The following CYSTM1 variants were observed in gnomAD, a reference collection of about 807,000 sequenced individuals.
CYSTM1 encodes cysteine rich transmembrane module containing 1.
CYSTM1 carries 4 observed loss-of-function variants against 13.1 expected under a neutral mutation model. The ratio of observed to expected loss-of-function variants is 0.31; its 90% CI spans 0.15 to 0.70. The LOEUF is 0.70. Ranked by LOEUF, CYSTM1 falls within the 30% of genes least tolerant of loss-of-function variation. The pLI is 0.72. For missense variants in CYSTM1, 96 were observed against 121.6 expected (o/e 0.79, Z 0.99); for synonymous variants, 36 against 42.7 (o/e 0.84, Z 0.62).
intron 2 of CYSTM1, among the ~76,000 whole-genome samples, chr5:140,210,759 G>A (rs759963921): frequency 6.6e-6 from 1 of 152,082 alleles, no homozygotes; most frequent in Non-Finnish European, 1.5e-5. Context: ...CCATCTGCCC[G>A]CCTCGGCCTC....
At chr5:140,226,499 TATATAA>T (rs1387367839) in intron 2 of CYSTM1, among the ~76,000 whole-genome samples, 34 of 109,122 alleles carry the variant, frequency 3.1e-4, no homozygotes, top group Non-Finnish European at 5.2e-4. Flanking sequence ...ATATATAATA[TATATAA>T]ATATATATTA....
At chr5:140,229,939 C>T (rs545478945) in intron 2 of CYSTM1, among the ~76,000 whole-genome samples, 3 of 151,958 alleles carry the variant, frequency 2.0e-5, no homozygotes, top group Middle Eastern at 3.4e-3. Flanking sequence ...GTCACGATCT[C>T]GGCTCACTGC....
intron 2 of CYSTM1, among the ~76,000 whole-genome samples, chr5:140,211,407 A>G: frequency 6.6e-6 from 1 of 152,232 alleles, no homozygotes; most frequent in Non-Finnish European, 1.5e-5. Flanking sequence ...CTTGGCTGAG[A>G]GCATTGTAAA....
intron 2 of CYSTM1, among the ~76,000 whole-genome samples, chr5:140,217,265 AATGTATATC>A (rs762704286): frequency 1.3e-5 from 2 of 152,016 alleles, no homozygotes; most frequent in Non-Finnish European, 2.9e-5. Flanking sequence ...TTTTGGAGAG[AATGTATATC>A]ATGGGTAATT....
At chr5:140,199,277 G>A (rs940980983) in intron 2 of CYSTM1, among the ~76,000 whole-genome samples, 1 of 152,188 alleles carries the variant, frequency 6.6e-6, no homozygotes, top group Admixed American at 6.5e-5. Context: ...ACCTGTGCAT[G>A]TGTCTTTATA....
intron 1 of CYSTM1, among the ~76,000 whole-genome samples, chr5:140,188,639 C>T (rs893115063): frequency 6.6e-5 from 10 of 152,020 alleles, no homozygotes; most frequent in African/African-American, 2.2e-4. Context: ...ATTAGCTGGG[C>T]GCAGTGGCGG....
chr5:140,243,602 C>A lies in CYSTM1; in HGVS notation c.*191C>A. 2.0e-6 allele frequency: 1 copy of A among 488,640 alleles called. No individual in the cohort carries two copies. Among genetic ancestry groups the A allele is most frequent in the Non-Finnish European group, 3.6e-6 (1 of 277,434 alleles). The allele number at this position is 488,640 out of a possible 1,614,324, so 30.3% of individuals were successfully genotyped here. On this transcript the variant is annotated 3_prime_UTR_variant, in exon 3 of 3. Transcript: ENST00000261811. ...TTCAGTGACTTGATCTTTTTAATGTCCAAAATCCATTTCTTATTGATCTTT... is the reference window on the plus strand; with the variant it reads ...TTCAGTGACTTGATCTTTTTAATGTACAAAATCCATTTCTTATTGATCTTT...
At position 140,191,080 on chromosome 5, in the gene CYSTM1, A is replaced by G. The variant is rs118155813; in HGVS notation, c.-20-3366A>G. On this transcript the variant is annotated intron_variant, in intron 1 of 2. Transcript: ENST00000261811. ...TTTCTTCTTTACCAGCTTGGGAACA[A>G]TGGATTCCCACTGGATGAAGTCCTG... 5.8e-4 allele frequency among the ~76,000 whole-genome samples: 89 copies of G among 152,318 alleles called. No homozygotes were observed. In the East Asian group the frequency reaches 0.016, roughly 28 times the overall value.
chr5:140,211,533 C>A (rs991297037), intron 2 of CYSTM1, among the ~76,000 whole-genome samples: 7 of 152,236 alleles, frequency 4.6e-5, no homozygotes, highest in African/African-American at 1.7e-4. Flanking sequence ...TCCCCCAGAT[C>A]TCTGACCCAG....
intron 2 of CYSTM1, among the ~76,000 whole-genome samples, chr5:140,197,166 G>T (rs1764168441): frequency 6.6e-6 from 1 of 152,116 alleles, no homozygotes; most frequent in East Asian, 1.9e-4. Context: ...GATGAGTTTA[G>T]AACTTTATTG....
chr5:140,229,707 A>T (rs553345381), intron 2 of CYSTM1, among the ~76,000 whole-genome samples: 148 of 151,406 alleles, frequency 9.8e-4, no homozygotes, highest in Non-Finnish European at 1.1e-3. Context: ...GTATTTATTT[A>T]TTTTTTTGAG....
chr5:140,229,009 AT>A (rs1764591227), intron 2 of CYSTM1: 2 of 389,644 alleles, frequency 5.1e-6, no homozygotes, highest in Non-Finnish European at 9.1e-6. Flanking sequence ...GCTTTCCCTG[AT>A]TACTAGTGAC....
At chr5:140,238,512 C>A (rs928761809) in intron 2 of CYSTM1, among the ~76,000 whole-genome samples, 2 of 152,170 alleles carry the variant, frequency 1.3e-5, no homozygotes, top group African/African-American at 4.8e-5. Flanking sequence ...TACTCACTGG[C>A]CTTGAACAGA....
intron 2 of CYSTM1, among the ~76,000 whole-genome samples, chr5:140,242,608 T>G (rs1342799029): frequency 2.6e-5 from 4 of 152,188 alleles, no homozygotes; most frequent in African/African-American, 9.7e-5. Flanking sequence ...GGGGTCCTTC[T>G]TGACCTATGG....
chr5:140,232,223 G>T (rs189539976), intron 2 of CYSTM1, among the ~76,000 whole-genome samples: 143 of 152,288 alleles, frequency 9.4e-4, no homozygotes, highest in African/African-American at 3.3e-3. Context: ...TTAGTTTGAG[G>T]TTTCAAAGTA....
intron 2 of CYSTM1, among the ~76,000 whole-genome samples, chr5:140,237,304 G>A (rs373785360): frequency 1.4e-4 from 21 of 152,222 alleles, no homozygotes; most frequent in African/African-American, 5.1e-4. Flanking sequence ...ACAGAGAATA[G>A]GGAGGCCTTT....
At chr5:140,207,219 G>A (rs1359659276) in intron 2 of CYSTM1, among the ~76,000 whole-genome samples, 3 of 152,142 alleles carry the variant, frequency 2.0e-5, no homozygotes. Flanking sequence ...GGTGGCCACA[G>A]AACCGTCTTC....
At chr5:140,222,448 A>T (rs1368443333) in intron 2 of CYSTM1, among the ~76,000 whole-genome samples, 1 of 152,262 alleles carries the variant, frequency 6.6e-6, no homozygotes, top group African/African-American at 2.4e-5. Context: ...CTTAGGAAGT[A>T]GAGATGGCTG....
At chr5:140,186,851 G>T (rs1400010518) in intron 1 of CYSTM1, among the ~76,000 whole-genome samples, 1 of 152,176 alleles carries the variant, frequency 6.6e-6, no homozygotes, top group African/African-American at 2.4e-5. Context: ...TCTAGGCCAG[G>T]TGTGGTGGGT....
Sources: allele counts gnomAD v4.1 joint callset (sites outside exome capture counted in the v4.1 genomes callset), GRCh38; gene constraint gnomAD v4.1.1; transcripts MANE v1.5; gene names NCBI Gene and HGNC (gene_info 2026-07-23, HGNC 2026-07-21).